SORCS2: variants seen among roughly 807,000 people sequenced by gnomAD.
The protein encoded by SORCS2 is sortilin related VPS10 domain containing receptor 2.
SORCS2 carries 100 observed loss-of-function variants against 141.6 expected under a neutral mutation model. The observed-to-expected ratio is 0.71, with a 90% confidence interval of 0.60 to 0.83. The LOEUF is 0.83. Ranked by LOEUF, SORCS2 falls within the 40% of genes least tolerant of loss-of-function variation. SORCS2 has a pLI of 0.00. For missense variants in SORCS2, 1,646 were observed against 1,560.2 expected (o/e 1.05, Z -0.93); for synonymous variants, 789 against 676.9 (o/e 1.17, Z -2.57).
intron 24 of SORCS2, among the ~76,000 whole-genome samples, chr4:7,734,001 A>G (rs1711934646): frequency 6.6e-6 from 1 of 151,844 alleles, no homozygotes; most frequent in African/African-American, 2.4e-5. Context: ...TGGCAGGGAC[A>G]GGCAGGGGAT....
intron 2 of SORCS2, among the ~76,000 whole-genome samples, chr4:7,499,385 C>T (rs112401744): frequency 6.6e-6 from 1 of 152,100 alleles, no homozygotes; most frequent in African/African-American, 2.4e-5. Context: ...AGGGCACAGA[C>T]TTGTTCTTTC....
intron 3 of SORCS2, among the ~76,000 whole-genome samples, chr4:7,571,546 A>T (rs530098919): frequency 1.3e-5 from 2 of 152,150 alleles, no homozygotes; most frequent in Non-Finnish European, 2.9e-5. Flanking sequence ...CCGTGGGACT[A>T]CTATGAGAAA....
intron 9 of SORCS2, among the ~76,000 whole-genome samples, chr4:7,678,655 A>T (rs914765794): frequency 1.3e-5 from 2 of 149,646 alleles, no homozygotes; most frequent in Non-Finnish European, 3.0e-5. Flanking sequence ...AGGTGAGAGG[A>T]AGCAAGAAGC....
In SORCS2 at chr4:7,703,248, C is replaced by T. The variant is rs778248459; in HGVS notation, c.1669-32C>T. 20 of 1,575,414 alleles carry T rather than the reference C, an allele frequency of 1.3e-5. No individual in the cohort carries two copies. The African/African-American group carries it at 2.4e-4, about 19-fold the overall frequency. ...GGAACAACCTCCGACCTTCTCAGGC[C>T]CTGCCCTCAGCCACACCACTCTCCT... On this transcript the variant is annotated intron_variant, in intron 12 of 26. Coordinates refer to ENST00000507866, the MANE Select transcript of SORCS2 (RefSeq NM_020777.3).
intron 1 of SORCS2, among the ~76,000 whole-genome samples, chr4:7,361,880 C>T (rs2109024879): frequency 7.6e-6 from 1 of 132,152 alleles, no homozygotes; most frequent in African/African-American, 2.9e-5. Context: ...CGGACAGGCA[C>T]AGAGCACAGT....
At chr4:7,529,154 C>A (rs569463654) in intron 2 of SORCS2, among the ~76,000 whole-genome samples, 1 of 152,122 alleles carries the variant, frequency 6.6e-6, no homozygotes, top group African/African-American at 2.4e-5. Flanking sequence ...TACTCAAGCC[C>A]GTCCAAATGC....
chr4:7,667,240 C>T (rs13129869), intron 8 of SORCS2, 27 bp downstream of exon 8: 206,186 of 1,604,832 alleles, frequency 0.13, 14,532 homozygotes, highest in Middle Eastern at 0.2. Flanking sequence ...TCCGCCTGGT[C>T]CTGTGGCCAG....
At chr4:7,662,070 T>G (rs1358884118) in intron 6 of SORCS2, among the ~76,000 whole-genome samples, 1 of 152,166 alleles carries the variant, frequency 6.6e-6, no homozygotes, top group Non-Finnish European at 1.5e-5. Context: ...GCCCTGCCGC[T>G]GGCCAACCTC....
chr4:7,546,532 G>C (rs1250936727), intron 3 of SORCS2, among the ~76,000 whole-genome samples: 1 of 152,156 alleles, frequency 6.6e-6, no homozygotes, highest in Non-Finnish European at 1.5e-5. Flanking sequence ...TCCTTCAAGC[G>C]GGAGAGGAGG....
chr4:7,585,726 C>T (rs1716493717), intron 3 of SORCS2, among the ~76,000 whole-genome samples: 1 of 152,196 alleles, frequency 6.6e-6, no homozygotes. Flanking sequence ...AATTCTGATT[C>T]ACCTCTCAGC....
chr4:7,630,044 C>G (rs969568163), intron 3 of SORCS2, among the ~76,000 whole-genome samples: 1 of 152,206 alleles, frequency 6.6e-6, no homozygotes, highest in Non-Finnish European at 1.5e-5. Flanking sequence ...GGTTATCTCA[C>G]TTGGTTAACC....
chr4:7,661,385 G>A, intron 5 of SORCS2, 115 bp from the exon 6 acceptor site: 1 of 1,094,224 alleles, frequency 9.1e-7, no homozygotes, highest in South Asian at 1.4e-5. Context: ...GACCCACAGA[G>A]CAAGGGCGGC....
chr4:7,458,230 G>T (rs1420179015), intron 2 of SORCS2, among the ~76,000 whole-genome samples: 1 of 152,282 alleles, frequency 6.6e-6, no homozygotes, highest in East Asian at 1.9e-4. Context: ...TGGCAGGGAA[G>T]TTTGACGCCA....
intron 3 of SORCS2, among the ~76,000 whole-genome samples, chr4:7,635,563 G>A (rs374509388): frequency 2.6e-5 from 4 of 152,222 alleles, no homozygotes; most frequent in Non-Finnish European, 2.9e-5. Flanking sequence ...CTTCATCGCC[G>A]TGTCAGCGTG....
intron 12 of SORCS2, among the ~76,000 whole-genome samples, chr4:7,697,831 G>T (rs545125625): frequency 2.6e-5 from 4 of 152,256 alleles, no homozygotes; most frequent in African/African-American, 7.2e-5. Context: ...CCCAGGGCCC[G>T]AGAAGAGAAA....
At chr4:7,304,442 G>A (rs1233374559) in intron 1 of SORCS2, among the ~76,000 whole-genome samples, 1 of 152,182 alleles carries the variant, frequency 6.6e-6, no homozygotes, top group Non-Finnish European at 1.5e-5. Flanking sequence ...GAGAACTGAT[G>A]GAGAAGAGGC....
intron 2 of SORCS2, among the ~76,000 whole-genome samples, chr4:7,475,305 A>G (rs572227152): frequency 7.9e-5 from 12 of 152,252 alleles, no homozygotes; most frequent in Admixed American, 7.8e-4. Flanking sequence ...AGAGCTGGTC[A>G]TGGTGGGAAG....
intron 2 of SORCS2, among the ~76,000 whole-genome samples, chr4:7,472,887 GC>G (rs777825344): frequency 4.0e-4 from 61 of 151,396 alleles, no homozygotes; most frequent in Non-Finnish European, 8.7e-4. Context: ...AGAAATCACA[GC>G]CTGAGTGGAT....
intron 1 of SORCS2, among the ~76,000 whole-genome samples, chr4:7,230,493 A>G (rs1348008509): frequency 3.6e-4 from 48 of 132,604 alleles, no homozygotes; most frequent in Middle Eastern, 5.6e-3. Flanking sequence ...GAGCAGTGTC[A>G]TGTGCTCATG....
Sources: gnomAD v4.1 joint callset for allele counts (sites outside exome capture counted in the v4.1 genomes callset) on GRCh38, gnomAD v4.1.1 for gene constraint, MANE v1.5 for transcripts, NCBI Gene and HGNC (gene_info 2026-07-23, HGNC 2026-07-21) for gene names.